The following LARGE1 variants were observed in gnomAD, a reference collection of about 807,000 sequenced individuals.
The protein encoded by LARGE1 is xylosyl- and glucuronyltransferase LARGE1.
LARGE1 carries 43 observed loss-of-function variants against 87.6 expected under a neutral mutation model. The observed-to-expected ratio is 0.49, with a 90% confidence interval of 0.38 to 0.63. LARGE1 has a LOEUF of 0.63. LARGE1 is among the 30% of genes least tolerant of loss of function. The pLI, the probability that LARGE1 is intolerant of heterozygous loss-of-function variation, is 0.00. For missense variants in LARGE1, 802 were observed against 1,000.2 expected (o/e 0.80, Z 2.67); for synonymous variants, 434 against 394.6 (o/e 1.10, Z -1.18).
chr22:33,898,352 C>T (rs2065198871), intron 1 of LARGE1, among the ~76,000 whole-genome samples: 2 of 152,326 alleles, frequency 1.3e-5, no homozygotes, highest in South Asian at 4.1e-4. Context: ...CTCTTGGGAG[C>T]CCAAAAGTTC....
chr22:33,883,451 G>A (rs568397415), intron 1 of LARGE1, among the ~76,000 whole-genome samples: 106 of 152,226 alleles, frequency 7.0e-4, no homozygotes, highest in African/African-American at 2.3e-3. Context: ...ACAGCCCTCC[G>A]CAGTCTCCCT....
chr22:33,149,182 G>A, the LARGE1 span, among the ~76,000 whole-genome samples: 5 of 150,268 alleles, frequency 3.3e-5, no homozygotes, highest in African/African-American at 9.8e-5. Context: ...GACTACAGGC[G>A]CCCGTCACCA....
chr22:33,564,045 G>A (rs1246158852), intron 6 of LARGE1, among the ~76,000 whole-genome samples: 3 of 152,226 alleles, frequency 2.0e-5, no homozygotes, highest in South Asian at 2.1e-4. Context: ...TAAGAGGAAT[G>A]GCAGAAGGGA....
At chr22:33,808,998 A>G (rs2086405445) in intron 1 of LARGE1, among the ~76,000 whole-genome samples, 1 of 125,206 alleles carries the variant, frequency 8.0e-6, no homozygotes, top group South Asian at 2.7e-4. Context: ...CCTGCCAGGC[A>G]CAGTGGCTCA....
chr22:33,303,372 T>C (rs1934419627), intron 12 of LARGE1, among the ~76,000 whole-genome samples: 1 of 152,126 alleles, frequency 6.6e-6, no homozygotes, highest in African/African-American at 2.4e-5. Flanking sequence ...CGGCTCCTGG[T>C]CTCGGTCCCA....
intron 6 of LARGE1, among the ~76,000 whole-genome samples, chr22:33,545,554 G>C (rs2077339090): frequency 6.6e-6 from 1 of 152,086 alleles, no homozygotes; most frequent in Non-Finnish European, 1.5e-5. Context: ...AGATTCTCCT[G>C]CCTCAGCCTT....
At chr22:33,786,519 T>C (rs1285096742) in intron 1 of LARGE1, among the ~76,000 whole-genome samples, 1 of 152,168 alleles carries the variant, frequency 6.6e-6, no homozygotes. Context: ...TCCAACCTTA[T>C]AAAGAGGTGC....
At chr22:33,878,055 T>A (rs2064524955) in intron 1 of LARGE1, among the ~76,000 whole-genome samples, 1 of 151,256 alleles carries the variant, frequency 6.6e-6, no homozygotes. Context: ...TAAATTAATT[T>A]TACCTCTTTT....
chr22:33,395,796 T>C (rs1238336714), intron 7 of LARGE1, among the ~76,000 whole-genome samples: 1 of 152,208 alleles, frequency 6.6e-6, no homozygotes, highest in African/African-American at 2.4e-5. Flanking sequence ...TAGCATTCTG[T>C]AGGATGCTAG....
chr22:33,119,388 T>C, the LARGE1 span, among the ~76,000 whole-genome samples: 3 of 152,176 alleles, frequency 2.0e-5, no homozygotes, highest in Non-Finnish European at 2.9e-5. Context: ...CCAGTGAAAG[T>C]GCATATGAAT....
chr22:33,233,596 G>T (rs1346847976), intron 11 of LARGE1, among the ~76,000 whole-genome samples: 2 of 152,158 alleles, frequency 1.3e-5, no homozygotes, highest in Non-Finnish European at 2.9e-5. Flanking sequence ...TGGTTGGGCA[G>T]ATGAGAAAAG....
rs185441153 is a variant in LARGE1, at chr22:33,906,908, T to C, written c.-83+13087A>G. Among the ~76,000 whole-genome samples, 373 of 152,162 alleles carry C rather than the reference T, an allele frequency of 2.5e-3. 2 individuals carry two copies. The highest frequency in any genetic ancestry group is 4.4e-3 in the Non-Finnish European group (300 of 67,992). ...AGGGAATGAAGCAACTCTAAATAAC[T>C]GAGTGCTTTCTCAACATAATACACA... is the stretch of plus-strand genomic sequence containing the variant. On this transcript the variant is annotated intron_variant, in intron 1 of 14. Coordinates refer to ENST00000397394, the MANE Select transcript of LARGE1 (RefSeq NM_133642.5).
intron 1 of LARGE1, among the ~76,000 whole-genome samples, chr22:33,876,827 AT>A (rs1405177199): frequency 6.6e-6 from 1 of 152,004 alleles, no homozygotes; most frequent in South Asian, 2.1e-4. Context: ...ACATAAAAAA[AT>A]AAATAAATAA....
At chr22:33,744,581 T>C (rs2084009108) in intron 2 of LARGE1, among the ~76,000 whole-genome samples, 1 of 152,240 alleles carries the variant, frequency 6.6e-6, no homozygotes, top group Non-Finnish European at 1.5e-5. Flanking sequence ...TGCCCTCTCC[T>C]GACCTCTGGC....
chr22:33,645,353 T>C (rs1336659467), intron 3 of LARGE1, among the ~76,000 whole-genome samples: 2 of 152,262 alleles, frequency 1.3e-5, no homozygotes, highest in Non-Finnish European at 2.9e-5. Flanking sequence ...AAGGATTTCC[T>C]ATTTAATAAA....
intron 2 of LARGE1, among the ~76,000 whole-genome samples, chr22:33,657,488 G>A (rs973934787): frequency 6.6e-6 from 1 of 152,144 alleles, no homozygotes; most frequent in South Asian, 2.1e-4. Flanking sequence ...TGCTATCTCT[G>A]CTTCAAGCAC....
At chr22:33,771,544 T>C (rs764335180) in intron 1 of LARGE1, among the ~76,000 whole-genome samples, 1 of 152,186 alleles carries the variant, frequency 6.6e-6, no homozygotes, top group Non-Finnish European at 1.5e-5. Flanking sequence ...TCCTGAATGA[T>C]AAATTTTAGG....
chr22:33,565,740 A>AGG (rs1197201707), intron 5 of LARGE1, among the ~76,000 whole-genome samples: 2 of 150,232 alleles, frequency 1.3e-5, no homozygotes, highest in African/African-American at 2.4e-5. Flanking sequence ...ATAGGACAGA[A>AGG]ATGAACCACC....
At chr22:33,085,966 T>C in the LARGE1 span, among the ~76,000 whole-genome samples, 5 of 152,200 alleles carry the variant, frequency 3.3e-5, no homozygotes, top group Non-Finnish European at 5.9e-5. Flanking sequence ...TATCACAAGA[T>C]TGTTAAGTTA....
Sources: allele counts gnomAD v4.1 joint callset (sites outside exome capture counted in the v4.1 genomes callset), GRCh38; gene constraint gnomAD v4.1.1; transcripts MANE v1.5; gene names NCBI Gene and HGNC (gene_info 2026-07-23, HGNC 2026-07-21).